SGK1: variants seen among roughly 807,000 people sequenced by gnomAD.
SGK1 encodes the protein serum/glucocorticoid regulated kinase 1.
Under a neutral mutation model 64.2 loss-of-function variants are expected in SGK1, and 26 were observed. The ratio of observed to expected loss-of-function variants is 0.40; its 90% CI spans 0.30 to 0.56. SGK1 has a LOEUF of 0.56. Among genes scored for constraint, SGK1 ranks in the 20% least tolerant of loss-of-function variants. The pLI, the probability that SGK1 is intolerant of heterozygous loss-of-function variation, is 0.38. For synonymous variants in SGK1, 265 were observed against 239.7 expected (o/e 1.11, Z -0.98); for missense variants, 519 against 645.6 (o/e 0.80, Z 2.12).
chr6:134,303,192 G>T (rs1777484523), intron 1 of SGK1, among the ~76,000 whole-genome samples: 1 of 152,002 alleles, frequency 6.6e-6, no homozygotes, highest in African/African-American at 2.4e-5. Context: ...AGGAGATCGA[G>T]TCCATCCTGG....
intron 3 of SGK1, chr6:134,177,649 C>T: frequency 2.5e-6 from 4 of 1,610,878 alleles, no homozygotes; most frequent in Non-Finnish European, 2.5e-6. Context: ...AAATATAGTA[C>T]GGTAAGTACG....
At chr6:134,201,639 G>A (rs555750175) in intron 3 of SGK1, among the ~76,000 whole-genome samples, 1 of 152,320 alleles carries the variant, frequency 6.6e-6, no homozygotes, top group East Asian at 1.9e-4. Flanking sequence ...TGGGATTACA[G>A]GTGTGAGCCA....
At chr6:134,201,472 C>T (rs1775683490) in intron 3 of SGK1, among the ~76,000 whole-genome samples, 1 of 152,128 alleles carries the variant, frequency 6.6e-6, no homozygotes, top group African/African-American at 2.4e-5. Flanking sequence ...AGCAATTCTT[C>T]TGCCTCAGCC....
At chr6:134,260,381 C>A (rs1241404546) in intron 2 of SGK1, 2 of 143,780 alleles carry the variant, frequency 1.4e-5, no homozygotes, top group Non-Finnish European at 3.1e-5. Flanking sequence ...CCCACCCCCC[C>A]CAAAAAAAGG....
At chr6:134,213,348 CCTGT>C (rs1481045050) in intron 2 of SGK1, among the ~76,000 whole-genome samples, 1 of 151,810 alleles carries the variant, frequency 6.6e-6, no homozygotes, top group Non-Finnish European at 1.5e-5. Flanking sequence ...ATGGTGAAAC[CCTGT>C]CTCTCCTAAA....
chr6:134,228,890 T>C (rs1350837484), intron 2 of SGK1, among the ~76,000 whole-genome samples: 13 of 143,770 alleles, frequency 9.0e-5, no homozygotes, highest in Admixed American at 8.2e-4. Context: ...TTCACCCAGG[T>C]GGGACTGCAG....
chr6:134,230,699 C>A (rs1011142228), intron 2 of SGK1, among the ~76,000 whole-genome samples: 8 of 152,122 alleles, frequency 5.3e-5, no homozygotes, highest in Admixed American at 2.0e-4. Flanking sequence ...AAAGCCTAAT[C>A]GTATCATCCA....
In SGK1 at chr6:134,206,354, TA is replaced by T. The variant is rs1775771989; in HGVS notation, c.361+1001del. On this transcript the variant is annotated intron_variant, in intron 3 of 13. Coordinates refer to ENST00000367858, the MANE Select transcript of SGK1 (RefSeq NM_001143676.3). The stretch of plus-strand genomic sequence containing the variant: ...GTACCTGATGATATATATATATATA[TA>T]TATATATATATATATATATATATAT... Among the ~76,000 whole-genome samples the T allele has an allele frequency of 6.2e-4, 6 of 9,720 alleles. No homozygotes were observed. The South Asian group carries it at 0.013, about 21-fold the overall frequency. 6.4% of individuals were successfully genotyped at this position (9,720 alleles called of 152,430 possible).
intron 4 of SGK1, 115 bp from the exon 5 acceptor site, chr6:134,174,195 C>A: frequency 1.4e-6 from 1 of 711,964 alleles, no homozygotes; most frequent in South Asian, 1.7e-5. Context: ...ACTGTTTAAA[C>A]TGAAAATACC....
intron 3 of SGK1, among the ~76,000 whole-genome samples, chr6:134,207,077 T>C (rs1400136579): frequency 1.3e-5 from 2 of 151,494 alleles, no homozygotes; most frequent in Admixed American, 1.3e-4. Flanking sequence ...TACAAAAAAA[T>C]TAGCTGGGCA....
chr6:134,241,054 T>TTTC (rs1554223739), intron 2 of SGK1, among the ~76,000 whole-genome samples: 1 of 28,180 alleles, frequency 3.5e-5, no homozygotes, highest in African/African-American at 5.3e-5. Context: ...TTTTCTTTTT[T>TTTC]TTTTTTTTTT....
At chr6:134,199,669 A>AT (rs1562248119) in intron 3 of SGK1, among the ~76,000 whole-genome samples, 25 of 151,170 alleles carry the variant, frequency 1.7e-4, no homozygotes, top group African/African-American at 6.0e-4. Context: ...TGTAGAAAAA[A>AT]ATATATATAT....
At chr6:134,187,913 C>T (rs1041400591) in intron 3 of SGK1, among the ~76,000 whole-genome samples, 22 of 152,204 alleles carry the variant, frequency 1.4e-4, no homozygotes, top group African/African-American at 5.3e-4. Flanking sequence ...TGGCAGATCA[C>T]CCCGAGGAAA....
chr6:134,175,372 C>T (rs1775198710), intron 3 of SGK1, among the ~76,000 whole-genome samples: 1 of 152,098 alleles, frequency 6.6e-6, no homozygotes, highest in Admixed American at 6.5e-5. Flanking sequence ...GCGCCACCCT[C>T]CGGGGTTTAT....
At position 134,174,602 on chromosome 6, in the gene SGK1, G is replaced by A. The variant is rs779590533; in HGVS notation, c.362-16C>T. 1 of 1,612,058 alleles carries A rather than the reference G, an allele frequency of 6.2e-7. No homozygotes were observed. The highest frequency in any genetic ancestry group is 1.1e-5 in the South Asian group (1 of 91,060). ...TTCATGAAAGCTGTGGATGAAGGAG[G>A]AGAAATAAAGAAACGTTTAGACGGC... On this transcript the variant is annotated splice_polypyrimidine_tract_variant and intron_variant, in intron 3 of 13. Transcript: ENST00000367858.
At chr6:134,216,022 C>T (rs1052738504) in intron 2 of SGK1, among the ~76,000 whole-genome samples, 14 of 151,430 alleles carry the variant, frequency 9.2e-5, no homozygotes, top group African/African-American at 2.4e-4. Context: ...TCTCTAAAAA[C>T]AAAAAAAGAA....
At chr6:134,276,146 A>G (rs1777014132) in intron 1 of SGK1, among the ~76,000 whole-genome samples, 1 of 152,194 alleles carries the variant, frequency 6.6e-6, no homozygotes, top group Admixed American at 6.5e-5. Context: ...TTACATCCCC[A>G]GAGCTTAGCA....
intron 1 of SGK1, among the ~76,000 whole-genome samples, chr6:134,282,140 G>A (rs1253361739): frequency 2.0e-5 from 3 of 152,094 alleles, no homozygotes; most frequent in Non-Finnish European, 4.4e-5. Flanking sequence ...CAGATCTGGA[G>A]TACTGGCTCT....
At chr6:134,268,276 G>A (rs1186054638) in intron 1 of SGK1, among the ~76,000 whole-genome samples, 1 of 152,194 alleles carries the variant, frequency 6.6e-6, no homozygotes, top group East Asian at 1.9e-4. Context: ...CTGTGTGTGC[G>A]AGAAACACGA....
Sources: gnomAD v4.1 joint callset for allele counts (sites outside exome capture counted in the v4.1 genomes callset) on GRCh38, gnomAD v4.1.1 for gene constraint, MANE v1.5 for transcripts, NCBI Gene and HGNC (gene_info 2026-07-23, HGNC 2026-07-21) for gene names.